CYP2C19: variants seen among roughly 807,000 people sequenced by gnomAD.
The protein encoded by CYP2C19 is cytochrome P450 2C19.
Under a neutral mutation model 40.9 loss-of-function variants are expected in CYP2C19, and 59 were observed. The observed-to-expected ratio is 1.44, with a 90% CI of 1.17 to 1.79. The LOEUF is 1.79. CYP2C19 is among the 40% of genes most tolerant of loss of function. The probability of loss-of-function intolerance (pLI) is 0.00; values close to 1 mark genes in which losing one functional copy is unlikely to be tolerated. For missense variants in CYP2C19, 754 were observed against 596.9 expected, an observed-to-expected ratio of 1.26 and a Z score of -2.74; for synonymous variants, 253 against 208.7, an observed-to-expected ratio of 1.21 and a Z score of -1.83.
At chr10:94,833,979 A>C (rs541270610) in intron 6 of CYP2C19, among the ~76,000 whole-genome samples, 38 of 152,212 alleles carry the variant, frequency 2.5e-4, no homozygotes, top group Middle Eastern at 6.8e-3. Context: ...GATGTGTCTT[A>C]GTCTGATTTT....
intron 1 of CYP2C19, chr10:94,773,994 C>T (rs1848371119): frequency 6.6e-6 from 1 of 152,092 alleles, no homozygotes; most frequent in South Asian, 2.1e-4. Context: ...TAGCTAGACA[C>T]AGAGCATTGA....
At chr10:94,799,816 T>A (rs1848739096) in intron 5 of CYP2C19, among the ~76,000 whole-genome samples, 2 of 152,340 alleles carry the variant, frequency 1.3e-5, no homozygotes, top group South Asian at 4.1e-4. Flanking sequence ...AGCTTCTGCA[T>A]GCATCATGAA....
In CYP2C19 at chr10:94,773,560, T is replaced by C. The variant is rs182876967; in HGVS notation, c.169-1498T>C. Among the ~76,000 whole-genome samples, 471 of 152,034 alleles carry C rather than the reference T, an allele frequency of 3.1e-3. 3 individuals carry two copies. The highest frequency in any genetic ancestry group is 0.011 in the African/African-American group (448 of 41,464). On this transcript the variant is annotated intron_variant, in intron 1 of 8. Coordinates refer to ENST00000371321, the MANE Select transcript of CYP2C19 (RefSeq NM_000769.4). ...TGAGTGTTACTGCTCTTAAAGGTGG[T>C]GTGTCGAGTTGTTCATTCCTCCTGG...
At chr10:94,821,007 C>T (rs539220224) in intron 6 of CYP2C19, among the ~76,000 whole-genome samples, 3 of 152,040 alleles carry the variant, frequency 2.0e-5, no homozygotes, top group South Asian at 2.1e-4. Context: ...CGCTTGAACC[C>T]GGGTGGTGGA....
chr10:94,775,491 G>A lies in CYP2C19; in HGVS notation c.433G>A (p.Val145Ile), dbSNP rs1412164735. 1 of 1,613,952 alleles carries A rather than the reference G, an allele frequency of 6.2e-7. No individual in the cohort carries two copies. The highest frequency in any genetic ancestry group is 8.5e-7 in the Non-Finnish European group (1 of 1,179,984). ...GMGKRSIEDR[V>I]QEEARCLVEE... Reference sequence around the variant, plus strand: ...GGGGAAGAGGAGCATTGAGGACCGTGTTCAAGAGGAAGCCCGCTGCCTTGT... The same window carrying A: ...GGGGAAGAGGAGCATTGAGGACCGTATTCAAGAGGAAGCCCGCTGCCTTGT... The change falls in exon 3 of 9, where the codon GTT becomes ATT. Residue 145 changes from valine to isoleucine, a missense_variant. By Grantham distance (29) the Val-to-Ile change is conservative. Coordinates refer to ENST00000371321, the MANE Select transcript of CYP2C19 (RefSeq NM_000769.4).
Position 94,820,592 on chromosome 10 carries a change from C to A in CYP2C19, c.916C>A (p.Leu306Met). Residue 306 changes from leucine to methionine, a missense_variant, in exon 6 of 9, where the codon CTG becomes ATG. Leu to Met is a conservative substitution (Grantham distance 15). Coordinates refer to ENST00000371321, the MANE Select transcript of CYP2C19 (RefSeq NM_000769.4). Reference protein sequence around the residue: ...GAGTETTSTTLRYALLLLLKH... With the variant: ...GAGTETTSTTMRYALLLLLKH... Reference sequence around the variant, plus strand: ...TGGGACAGAGACAACAAGCACAACCCTGAGATATGCTCTCCTTCTCCTGCT... The same window carrying A: ...TGGGACAGAGACAACAAGCACAACCATGAGATATGCTCTCCTTCTCCTGCT... 1 of 1,614,172 alleles carries A rather than the reference C, an allele frequency of 6.2e-7. No individual in the cohort carries two copies. The highest frequency in any genetic ancestry group is 8.5e-7 in the Non-Finnish European group (1 of 1,180,030).
chr10:94,824,251 GA>G (rs1234910569), intron 6 of CYP2C19, among the ~76,000 whole-genome samples: 1 of 152,116 alleles, frequency 6.6e-6, no homozygotes, highest in Non-Finnish European at 1.5e-5. Context: ...AAGCAGTGTG[GA>G]AAAATTAGTG....
intron 5 of CYP2C19, among the ~76,000 whole-genome samples, chr10:94,801,000 T>C (rs1348408106): frequency 2.0e-5 from 3 of 152,192 alleles, no homozygotes; most frequent in Non-Finnish European, 4.4e-5. Flanking sequence ...CCCACCCTTC[T>C]TCAGCTCACC....
In CYP2C19 at chr10:94,851,529, G is replaced by C. The variant is rs190925786; in HGVS notation, c.1292-1204G>C. On this transcript the variant is annotated intron_variant, in intron 8 of 8. Coordinates refer to ENST00000371321, the MANE Select transcript of CYP2C19 (RefSeq NM_000769.4). ...ATTATGATTCTAGGTGACACATGCT[G>C]TCTGTTTCTTCTGCCATATCAAAAT... Among the ~76,000 whole-genome samples, 332 of 152,136 alleles carry C rather than the reference G, an allele frequency of 2.2e-3. 2 individuals carry two copies. The highest frequency in any genetic ancestry group is 3.9e-4 in the East Asian group (2 of 5,192).
chr10:94,805,310 A>G (rs772369195), intron 5 of CYP2C19, among the ~76,000 whole-genome samples: 10 of 152,196 alleles, frequency 6.6e-5, no homozygotes, highest in Middle Eastern at 6.8e-3. Context: ...TGAGATGAAC[A>G]TGTTTTTCTC....
intron 5 of CYP2C19, among the ~76,000 whole-genome samples, chr10:94,802,681 A>G (rs374961926): frequency 4.6e-5 from 7 of 152,226 alleles, no homozygotes; most frequent in African/African-American, 1.7e-4. Flanking sequence ...CACAGAGTCA[A>G]TGATCTTTAC....
At chr10:94,780,161 A>C (rs973412836) in intron 3 of CYP2C19, among the ~76,000 whole-genome samples, 31 of 152,148 alleles carry the variant, frequency 2.0e-4, no homozygotes, top group African/African-American at 7.0e-4. Flanking sequence ...TGTTGTCTAC[A>C]GACTTTGCAG....
chr10:94,803,115 GTT>G (rs1415735973), intron 5 of CYP2C19, among the ~76,000 whole-genome samples: 1 of 152,090 alleles, frequency 6.6e-6, no homozygotes, highest in Non-Finnish European at 1.5e-5. Context: ...TCTTTTGGTG[GTT>G]TTACAATATT....
At chr10:94,796,526 G>C (rs901245957) in intron 5 of CYP2C19, among the ~76,000 whole-genome samples, 9 of 152,070 alleles carry the variant, frequency 5.9e-5, no homozygotes, top group African/African-American at 2.2e-4. Context: ...TTCCAATTCT[G>C]TGAAGAAAGT....
intron 5 of CYP2C19, among the ~76,000 whole-genome samples, chr10:94,797,399 T>G (rs546973213): frequency 2.6e-5 from 4 of 152,072 alleles, no homozygotes; most frequent in Non-Finnish European, 4.4e-5. Context: ...TTTGCCAGTA[T>G]TTTTTTGAAG....
Position 94,782,070 on chromosome 10 carries a change from C to T in CYP2C19, c.819+73C>T, listed in dbSNP as rs1390455973. 4.6e-6 allele frequency: 6 copies of T among 1,306,478 alleles called. No homozygotes were observed. The East Asian group carries it at 1.7e-4, about 36-fold the overall frequency. 80.9% of individuals were successfully genotyped at this position (1,306,478 alleles called of 1,614,324 possible). ...GATTCATTGACTAGTTTTGTGTTTA[C>T]TACGGATGTTTAACAGGTCAAGGAG... On this transcript the variant is annotated intron_variant, in intron 5 of 8. Coordinates refer to ENST00000371321, the MANE Select transcript of CYP2C19 (RefSeq NM_000769.4).
intron 4 of CYP2C19, among the ~76,000 whole-genome samples, chr10:94,781,363 C>T (rs1307267035): frequency 6.6e-6 from 1 of 152,072 alleles, no homozygotes; most frequent in Non-Finnish European, 1.5e-5. Flanking sequence ...GAGCCCCTCC[C>T]ACTTCTAAAA....
At chr10:94,789,902 G>A (rs1848585006) in intron 5 of CYP2C19, among the ~76,000 whole-genome samples, 1 of 152,098 alleles carries the variant, frequency 6.6e-6, no homozygotes, top group Non-Finnish European at 1.5e-5. Context: ...TAGCTTGATG[G>A]GGATGGCATT....
chr10:94,846,229 G>T (rs567492920), intron 7 of CYP2C19, among the ~76,000 whole-genome samples: 1 of 151,978 alleles, frequency 6.6e-6, no homozygotes, highest in African/African-American at 2.4e-5. Flanking sequence ...TCAGTATGTT[G>T]ATCTCTGTGA....
Sources: gnomAD v4.1 joint callset for allele counts (sites outside exome capture counted in the v4.1 genomes callset) on GRCh38, gnomAD v4.1.1 for gene constraint, MANE v1.5 for transcripts, NCBI Gene and HGNC (gene_info 2026-07-23, HGNC 2026-07-21) for gene names.